The following CYP2C19 variants were observed in gnomAD, a reference collection of about 807,000 sequenced individuals.
The protein encoded by CYP2C19 is cytochrome P450 family 2 subfamily C member 19.
CYP2C19 carries 59 observed loss-of-function variants against 40.9 expected under a neutral mutation model. That is an observed-to-expected ratio of 1.44 (90% confidence interval 1.17 to 1.79). CYP2C19 has a LOEUF of 1.79. CYP2C19 is among the 40% of genes most tolerant of loss of function. The pLI is 0.00. For missense variants in CYP2C19, 754 were observed against 596.9 expected, an observed-to-expected ratio of 1.26 and a Z score of -2.74; for synonymous variants, 253 against 208.7, an observed-to-expected ratio of 1.21 and a Z score of -1.83.
chr10:94,806,711 C>A (rs1358169154), intron 5 of CYP2C19, among the ~76,000 whole-genome samples: 14 of 147,496 alleles, frequency 9.5e-5, no homozygotes, highest in South Asian at 6.3e-4. Flanking sequence ...TATTATATAA[C>A]ATATATAAAA....
intron 7 of CYP2C19, among the ~76,000 whole-genome samples, chr10:94,843,341 G>T (rs1227702408): frequency 6.6e-6 from 1 of 152,174 alleles, no homozygotes; most frequent in East Asian, 1.9e-4. Context: ...ATTTCTGTCA[G>T]GGTGACATTA....
intron 6 of CYP2C19, among the ~76,000 whole-genome samples, chr10:94,827,933 T>C (rs1455578342): frequency 6.6e-6 from 1 of 151,916 alleles, no homozygotes; most frequent in Non-Finnish European, 1.5e-5. Context: ...CCAGTAGTCA[T>C]TCAGGAGCAG....
chr10:94,794,934 C>G (rs1848661167), intron 5 of CYP2C19, among the ~76,000 whole-genome samples: 1 of 151,932 alleles, frequency 6.6e-6, no homozygotes, highest in South Asian at 2.1e-4. Flanking sequence ...CCAGAGCTTC[C>G]AACACTATGT....
At chr10:94,802,809 T>A (rs1458979480) in intron 5 of CYP2C19, among the ~76,000 whole-genome samples, 1 of 152,180 alleles carries the variant, frequency 6.6e-6, no homozygotes, top group Non-Finnish European at 1.5e-5. Flanking sequence ...TATTTGCTTG[T>A]CTGTAAAGGA....
chr10:94,798,665 G>T (rs1848721959), intron 5 of CYP2C19, among the ~76,000 whole-genome samples: 1 of 152,112 alleles, frequency 6.6e-6, no homozygotes, highest in East Asian at 1.9e-4. Context: ...TTATGAATCT[G>T]GGTGCTCCTG....
chr10:94,848,191 T>C lies in CYP2C19; in HGVS notation c.1150-1726T>C, dbSNP rs193142431. 1.6e-3 allele frequency among the ~76,000 whole-genome samples: 240 copies of C among 152,356 alleles called. 1 individual carries two copies. Among genetic ancestry groups the C allele is most frequent in the Non-Finnish European group, 2.7e-3 (187 of 68,034 alleles). On this transcript the variant is annotated intron_variant, in intron 7 of 8. Coordinates refer to ENST00000371321, the MANE Select transcript of CYP2C19 (RefSeq NM_000769.4). ...GAGTGGTATTGCCTAGGTTTTCTTC[T>C]AGGATTTTTATGGTTTTAGGTCTAA...
intron 5 of CYP2C19, among the ~76,000 whole-genome samples, chr10:94,782,791 G>T (rs1848496071): frequency 6.6e-6 from 1 of 152,088 alleles, no homozygotes; most frequent in South Asian, 2.1e-4. Context: ...TAAAAAAGAT[G>T]AATTCATGTC....
At chr10:94,821,047 C>G (rs1849112915) in intron 6 of CYP2C19, among the ~76,000 whole-genome samples, 1 of 151,968 alleles carries the variant, frequency 6.6e-6, no homozygotes, top group African/African-American at 2.4e-5. Context: ...TGTGCCATTG[C>G]ACTCTAGCCT....
chr10:94,765,632 T>C (rs189575230), intron 1 of CYP2C19, among the ~76,000 whole-genome samples: 6 of 152,114 alleles, frequency 3.9e-5, no homozygotes, highest in Non-Finnish European at 5.9e-5. Flanking sequence ...GAGAAAACAT[T>C]TACTAGTGGT....
At chr10:94,826,160 T>C (rs1307753950) in intron 6 of CYP2C19, among the ~76,000 whole-genome samples, 1 of 152,102 alleles carries the variant, frequency 6.6e-6, no homozygotes, top group Non-Finnish European at 1.5e-5. Context: ...TGGTTCCATA[T>C]GAACTTTAAA....
At chr10:94,782,135 T>C in intron 5 of CYP2C19, 138 bp downstream of exon 5, 2 of 573,094 alleles carry the variant, frequency 3.5e-6, no homozygotes, top group East Asian at 3.5e-5. Context: ...ATTGTATGCA[T>C]GAATATCCAG....
At chr10:94,765,856 G>A (rs867331285) in intron 1 of CYP2C19, among the ~76,000 whole-genome samples, 2 of 152,082 alleles carry the variant, frequency 1.3e-5, no homozygotes, top group South Asian at 2.1e-4. Flanking sequence ...TACACTGATG[G>A]GGTAGTAGGT....
In CYP2C19 at chr10:94,828,565, G is replaced by T. The variant is rs1043177814; in HGVS notation, c.961+7928G>T. On this transcript the variant is annotated intron_variant, in intron 6 of 8. Transcript: ENST00000371321. ...TTTGAGCCTATGTGTGTCTCTGCAC[G>T]TGAGATGGGTTTCCTGAATACAGCA... 8.1e-5 allele frequency among the ~76,000 whole-genome samples: 12 copies of T among 148,836 alleles called. No homozygotes were observed. In the South Asian group the frequency reaches 2.0e-3, roughly 25 times the overall value.
intron 5 of CYP2C19, among the ~76,000 whole-genome samples, chr10:94,816,846 G>C (rs1341186770): frequency 2.7e-5 from 4 of 148,992 alleles, no homozygotes; most frequent in Admixed American, 6.7e-5. Context: ...TTTTGTTCTT[G>C]TGATAGTTTA....
chr10:94,803,503 G>C (rs1342416632), intron 5 of CYP2C19, among the ~76,000 whole-genome samples: 6 of 152,150 alleles, frequency 3.9e-5, no homozygotes, highest in African/African-American at 1.4e-4. Flanking sequence ...TTCATCTGTG[G>C]AATGCAGAGT....
At chr10:94,825,430 T>G (rs1209569092) in intron 6 of CYP2C19, among the ~76,000 whole-genome samples, 1 of 150,710 alleles carries the variant, frequency 6.6e-6, no homozygotes, top group African/African-American at 2.5e-5. Flanking sequence ...TTTTTTCATG[T>G]GTTTTTTGAC....
intron 5 of CYP2C19, among the ~76,000 whole-genome samples, chr10:94,800,644 T>A (rs1848751058): frequency 6.6e-6 from 1 of 152,202 alleles, no homozygotes; most frequent in South Asian, 2.1e-4. Flanking sequence ...ATAGAGGCAG[T>A]AGGCCTTGCT....
At chr10:94,799,541 G>A (rs1040672359) in intron 5 of CYP2C19, among the ~76,000 whole-genome samples, 3 of 152,164 alleles carry the variant, frequency 2.0e-5, no homozygotes, top group Non-Finnish European at 1.5e-5. Context: ...AAATTTGAAT[G>A]TTGGCCTGCC....
At chr10:94,773,677 C>T (rs1034381508) in intron 1 of CYP2C19, among the ~76,000 whole-genome samples, 1 of 152,050 alleles carries the variant, frequency 6.6e-6, no homozygotes, top group Non-Finnish European at 1.5e-5. Flanking sequence ...TGGAGTTGTT[C>T]GTTCCTCCTG....
Sources: gnomAD v4.1 joint callset for allele counts (sites outside exome capture counted in the v4.1 genomes callset) on GRCh38, gnomAD v4.1.1 for gene constraint, MANE v1.5 for transcripts, NCBI Gene and HGNC (gene_info 2026-07-23, HGNC 2026-07-21) for gene names.